GRID2: variants seen among roughly 807,000 people sequenced by gnomAD.
GRID2 encodes the protein glutamate ionotropic receptor delta type subunit 2.
In GRID2, 33 loss-of-function variants were observed where a neutral mutation model predicts 114.8. The observed-to-expected ratio is 0.29, with a 90% CI of 0.22 to 0.38. The LOEUF (loss-of-function observed/expected upper bound fraction) is 0.38, where lower values mean the gene tolerates loss of function less well. GRID2 is among the 10% of genes least tolerant of loss of function. The pLI is 1.00. For missense variants in GRID2, 1,184 were observed against 1,257.7 expected (o/e 0.94, Z 0.89); for synonymous variants, 505 against 449.9 (o/e 1.12, Z -1.55).
At chr4:93,451,270 A>G (rs1004490705) in intron 10 of GRID2, among the ~76,000 whole-genome samples, 1 of 152,138 alleles carries the variant, frequency 6.6e-6, no homozygotes, top group African/African-American at 2.4e-5. Flanking sequence ...CATAGTGGCT[A>G]GGAAAGTGAG....
chr4:92,468,458 A>T (rs562615578), intron 1 of GRID2, among the ~76,000 whole-genome samples: 2 of 152,088 alleles, frequency 1.3e-5, no homozygotes, highest in African/African-American at 2.4e-5. Flanking sequence ...ACTTGGTGGC[A>T]TCCTTAATTT....
intron 1 of GRID2, among the ~76,000 whole-genome samples, chr4:92,368,263 A>G (rs74860206): frequency 0.03 from 4,522 of 152,138 alleles, 221 homozygotes; most frequent in African/African-American, 0.1. Context: ...CCTAAATGCT[A>G]TTCTCTAAGG....
At chr4:92,399,636 G>GCTCT (rs749067156) in intron 1 of GRID2, among the ~76,000 whole-genome samples, 103 of 141,874 alleles carry the variant, frequency 7.3e-4, no homozygotes, top group Middle Eastern at 4.8e-3. Context: ...AATAAAAGCA[G>GCTCT]CTCTCTCTCT....
intron 2 of GRID2, among the ~76,000 whole-genome samples, chr4:93,025,452 A>G (rs1723793350): frequency 6.6e-6 from 1 of 151,676 alleles, no homozygotes; most frequent in South Asian, 2.1e-4. Flanking sequence ...GATGTGTAGG[A>G]ATTTGTTTCA....
intron 8 of GRID2, among the ~76,000 whole-genome samples, chr4:93,310,074 C>T (rs972984804): frequency 1.3e-5 from 2 of 152,228 alleles, no homozygotes; most frequent in African/African-American, 4.8e-5. Flanking sequence ...GATTTTGATA[C>T]AACAAGCATT....
At chr4:93,453,933 A>G (rs1027713902) in intron 10 of GRID2, among the ~76,000 whole-genome samples, 1 of 152,108 alleles carries the variant, frequency 6.6e-6, no homozygotes, top group Admixed American at 6.6e-5. Context: ...TCAGCTCACA[A>G]TAATGAAACT....
rs537562933 is a variant in GRID2, at chr4:92,856,171, C to T, written c.245-228824C>T. On this transcript the variant is annotated intron_variant, in intron 2 of 15. Transcript: ENST00000282020. The stretch of plus-strand genomic sequence containing the variant: ...CTACAGAGAGATCCAGTTTCAAGAA[C>T]TAAACAATAGATTTGATTCTTCCTT... Among the ~76,000 whole-genome samples the T allele has an allele frequency of 1.6e-4, 24 of 152,134 alleles. No homozygotes were observed. In the South Asian group the frequency reaches 5.0e-3, roughly 32 times the overall value.
intron 2 of GRID2, among the ~76,000 whole-genome samples, chr4:93,050,813 A>G (rs1726640163): frequency 6.6e-6 from 1 of 151,964 alleles, no homozygotes; most frequent in Non-Finnish European, 1.5e-5. Context: ...TCCACTGCAA[A>G]CAAATAAATA....
chr4:92,442,911 T>C (rs907791710), intron 1 of GRID2, among the ~76,000 whole-genome samples: 1 of 152,048 alleles, frequency 6.6e-6, no homozygotes, highest in Non-Finnish European at 1.5e-5. Flanking sequence ...GGAAGGAAAC[T>C]GTAAGCCGGA....
intron 1 of GRID2, among the ~76,000 whole-genome samples, chr4:92,538,197 A>G (rs1228144047): frequency 6.6e-6 from 1 of 152,174 alleles, no homozygotes; most frequent in African/African-American, 2.4e-5. Context: ...AAAACAGTTC[A>G]TGAGAAACAG....
chr4:92,888,090 T>C (rs539220575), intron 2 of GRID2, among the ~76,000 whole-genome samples: 4 of 152,306 alleles, frequency 2.6e-5, no homozygotes, highest in African/African-American at 9.6e-5. Flanking sequence ...CTATATGGTG[T>C]ATGATGAACC....
intron 1 of GRID2, among the ~76,000 whole-genome samples, chr4:92,486,393 C>G (rs1165554040): frequency 6.6e-6 from 1 of 151,700 alleles, no homozygotes; most frequent in Non-Finnish European, 1.5e-5. Context: ...TTCATATACT[C>G]CTTGTCATAT....
At chr4:93,613,979 G>C (rs1741289537) in intron 13 of GRID2, among the ~76,000 whole-genome samples, 1 of 151,838 alleles carries the variant, frequency 6.6e-6, no homozygotes, top group African/African-American at 2.4e-5. Context: ...GTGGGCGTAG[G>C]ACCCTCTGAG....
intron 8 of GRID2, among the ~76,000 whole-genome samples, chr4:93,269,743 C>A (rs1171851373): frequency 1.3e-5 from 2 of 152,134 alleles, no homozygotes; most frequent in Non-Finnish European, 2.9e-5. Flanking sequence ...AGAACCTGAA[C>A]TTTAATCAAA....
intron 4 of GRID2, among the ~76,000 whole-genome samples, chr4:93,186,262 G>A (rs770230204): frequency 3.9e-5 from 6 of 152,068 alleles, no homozygotes; most frequent in Non-Finnish European, 8.8e-5. Context: ...ATACCCAGTA[G>A]TGGGATGGCT....
At position 93,247,186 on chromosome 4, in the gene GRID2, C is replaced by A. The variant is rs138335822; in HGVS notation, c.1245+8696C>A. On this transcript the variant is annotated intron_variant, in intron 8 of 15. Coordinates refer to ENST00000282020, the MANE Select transcript of GRID2 (RefSeq NM_001510.4). ...CAAGTCTTGGTGAAAATAGGAACGA[C>A]TTTTCTAGAAGGACTATAAAATCTG... is the stretch of plus-strand genomic sequence containing the variant. 1.3e-4 allele frequency among the ~76,000 whole-genome samples: 20 copies of A among 152,238 alleles called. No homozygotes were observed. In the East Asian group the frequency reaches 3.7e-3, roughly 28 times the overall value.
rs142478894 is a variant in GRID2, at chr4:92,896,397, C to T, written c.245-188598C>T. 1.9e-4 allele frequency among the ~76,000 whole-genome samples: 29 copies of T among 152,170 alleles called. 1 individual carries two copies. The highest frequency in any genetic ancestry group is 6.7e-4 in the African/African-American group (28 of 41,522). ...AGGGAATTTTGGTTGATAATTGTTT[C>T]GCTAATTTATTGCCTCTCACTTTAT... On this transcript the variant is annotated intron_variant, in intron 2 of 15. Coordinates refer to ENST00000282020, the MANE Select transcript of GRID2 (RefSeq NM_001510.4).
chr4:93,133,682 A>G (rs1734997346), intron 4 of GRID2, among the ~76,000 whole-genome samples: 1 of 152,070 alleles, frequency 6.6e-6, no homozygotes, highest in African/African-American at 2.4e-5. Context: ...TGCTGGGCAC[A>G]TTGTACAGCA....
Position 93,766,824 on chromosome 4 carries a change from G to T in GRID2, c.2361-2386G>T, listed in dbSNP as rs1174700454. ...TATTATGGTAAGAATTCTTAACATG[G>T]GTGCTATTCTATGAAAATTTTTAAT... On this transcript the variant is annotated intron_variant, in intron 14 of 15. Transcript: ENST00000282020. 2.0e-5 allele frequency among the ~76,000 whole-genome samples: 3 copies of T among 152,046 alleles called. No homozygotes were observed. The South Asian group carries it at 6.2e-4, about 32-fold the overall frequency.
Sources: allele counts gnomAD v4.1 joint callset (sites outside exome capture counted in the v4.1 genomes callset), GRCh38; gene constraint gnomAD v4.1.1; transcripts MANE v1.5; gene names NCBI Gene and HGNC (gene_info 2026-07-23, HGNC 2026-07-21).